Variants in PEAK1 observed in about 807,000 individuals in gnomAD.
The protein encoded by PEAK1 is pseudopodium enriched atypical kinase 1.
In PEAK1, 54 loss-of-function variants were observed where a neutral mutation model predicts 124.7. That is an observed-to-expected ratio of 0.43 (90% CI 0.35 to 0.54). The LOEUF is 0.54. Among genes scored for constraint, PEAK1 ranks in the 20% least tolerant of loss-of-function variants. The probability of loss-of-function intolerance (pLI) is 0.01; values close to 1 mark genes in which losing one functional copy is unlikely to be tolerated. For missense variants in PEAK1, 2,046 were observed against 2,134.5 expected (o/e 0.96, Z 0.82); for synonymous variants, 719 against 760.0 (o/e 0.95, Z 0.89).
In PEAK1 at chr15:77,302,710, A is replaced by G. The variant is rs148014412; in HGVS notation, c.-602-16206T>C. ...TTCAGTGAGATTATTGGATACATTT[A>G]TAATACATTTAGACTCTTTTGCCAC... On this transcript the variant is annotated intron_variant, in intron 2 of 9. Transcript: ENST00000682557. Among the ~76,000 whole-genome samples, 86 of 152,278 alleles carry G rather than the reference A, an allele frequency of 5.6e-4. 2 individuals carry two copies. Among genetic ancestry groups the G allele is most frequent in the African/African-American group, 1.9e-3 (81 of 41,556 alleles).
At chr15:77,308,342 A>G (rs922552806) in intron 2 of PEAK1, among the ~76,000 whole-genome samples, 5 of 152,112 alleles carry the variant, frequency 3.3e-5, no homozygotes, top group Admixed American at 2.0e-4. Flanking sequence ...CTATTAGTCC[A>G]TGCCCATGTA....
At chr15:77,336,377 G>T (rs1333693468) in intron 2 of PEAK1, 1 of 985,260 alleles carries the variant, frequency 1.0e-6, no homozygotes, top group African/African-American at 1.7e-5. Flanking sequence ...ACGTTTACTA[G>T]GAACCAAGGC....
intron 1 of PEAK1, among the ~76,000 whole-genome samples, chr15:77,401,301 T>A (rs1349746360): frequency 1.3e-5 from 2 of 152,172 alleles, no homozygotes; most frequent in African/African-American, 4.8e-5. Flanking sequence ...ATGAGCAACT[T>A]TTCTTCTCCT....
At chr15:77,211,799 G>C (rs2058918800) in intron 6 of PEAK1, among the ~76,000 whole-genome samples, 1 of 126,182 alleles carries the variant, frequency 7.9e-6, no homozygotes, top group African/African-American at 3.1e-5. Flanking sequence ...AGTGAGCCGA[G>C]ATCACGCCAC....
chr15:77,190,624 C>T (rs1382651062), intron 6 of PEAK1, among the ~76,000 whole-genome samples: 1 of 152,146 alleles, frequency 6.6e-6, no homozygotes, highest in Non-Finnish European at 1.5e-5. Context: ...TGAGCTGACA[C>T]CAAGCACACT....
At chr15:77,386,058 A>G (rs1247471951) in intron 1 of PEAK1, among the ~76,000 whole-genome samples, 1 of 152,200 alleles carries the variant, frequency 6.6e-6, no homozygotes, top group African/African-American at 2.4e-5. Context: ...TGGAGCTATT[A>G]TAGGAGGCAC....
chr15:77,420,852 ACACC>A (rs1388091254), upstream of PEAK1: 2 of 398,754 alleles, frequency 5.0e-6, no homozygotes, highest in Non-Finnish European at 8.8e-6. Context: ...AAAGGAAAGG[ACACC>A]AAAATAAAGT....
At chr15:77,219,088 A>C (rs887492253) in intron 6 of PEAK1, among the ~76,000 whole-genome samples, 2 of 152,222 alleles carry the variant, frequency 1.3e-5, no homozygotes, top group Non-Finnish European at 2.9e-5. Flanking sequence ...GAAGGATAAC[A>C]TAATCATATC....
At chr15:77,407,867 G>A (rs572538964) in intron 1 of PEAK1, among the ~76,000 whole-genome samples, 2 of 150,112 alleles carry the variant, frequency 1.3e-5, no homozygotes, top group South Asian at 2.1e-4. Context: ...TCAAATGCCC[G>A]AGTAGATAAA....
chr15:77,412,827 G>A (rs1595884652), intron 1 of PEAK1, among the ~76,000 whole-genome samples: 1 of 152,160 alleles, frequency 6.6e-6, no homozygotes, highest in African/African-American at 2.4e-5. Flanking sequence ...TAGTGTCAGA[G>A]AATAAAGAAG....
At chr15:77,362,704 T>C (rs2067971037) in intron 2 of PEAK1, among the ~76,000 whole-genome samples, 1 of 151,874 alleles carries the variant, frequency 6.6e-6, no homozygotes, top group South Asian at 2.1e-4. Context: ...CAAAAACTTA[T>C]ACACAAATAA....
At chr15:77,377,302 TAAGCCAGAAAGGTG>T (rs1306575490) in intron 1 of PEAK1, among the ~76,000 whole-genome samples, 1 of 152,142 alleles carries the variant, frequency 6.6e-6, no homozygotes, top group Non-Finnish European at 1.5e-5. Context: ...GAGGATTGCT[TAAGCCAGAAAGGTG>T]GAGTCTGCAG....
chr15:77,215,317 C>T (rs770901637), intron 6 of PEAK1, among the ~76,000 whole-genome samples: 3 of 151,848 alleles, frequency 2.0e-5, no homozygotes, highest in Non-Finnish European at 2.9e-5. Context: ...CAAAAATTTA[C>T]TCCCAGTTTG....
rs1566977312 is a variant in PEAK1 at position 77,112,116 on chromosome 15, C to G, written c.*2040G>C. On this transcript the variant is annotated 3_prime_UTR_variant, in exon 10 of 10. Transcript: ENST00000682557. Reference sequence around the variant, plus strand: ...CCATGGCCATTCCTAGGAGCAGAGCCCTGCACTCTGGCTAGAGGAGGCAAG... The same window carrying G: ...CCATGGCCATTCCTAGGAGCAGAGCGCTGCACTCTGGCTAGAGGAGGCAAG... The G allele has an allele frequency of 1.3e-5, 2 of 152,198 alleles. No individual in the cohort carries two copies. Among genetic ancestry groups the G allele is most frequent in the Non-Finnish European group, 2.9e-5 (2 of 68,038 alleles). 9.4% of individuals were successfully genotyped at this position (152,198 alleles called of 1,614,324 possible).
chr15:77,223,878 T>C (rs909994542), intron 6 of PEAK1, among the ~76,000 whole-genome samples: 3 of 145,504 alleles, frequency 2.1e-5, no homozygotes, highest in African/African-American at 7.5e-5. Flanking sequence ...AATAGCCTCA[T>C]TTGAGAGATT....
chr15:77,199,107 A>C (rs2058241324), intron 6 of PEAK1, among the ~76,000 whole-genome samples: 1 of 152,240 alleles, frequency 6.6e-6, no homozygotes, highest in Admixed American at 6.5e-5. Flanking sequence ...CTATAAAGCT[A>C]GTAATCCCCA....
At chr15:77,124,758 G>A (rs1050456228) in intron 9 of PEAK1, among the ~76,000 whole-genome samples, 3 of 152,126 alleles carry the variant, frequency 2.0e-5, no homozygotes, top group African/African-American at 7.2e-5. Flanking sequence ...ACAAAATAAA[G>A]TCTAACCTCT....
downstream of PEAK1, chr15:77,106,741 ATGGGTCCAAG>A (rs2050757851): frequency 6.6e-6 from 1 of 152,136 alleles, no homozygotes; most frequent in African/African-American, 2.4e-5. Flanking sequence ...CTTAATCTAA[ATGGGTCCAAG>A]TGCTGGGGTG....
chr15:77,331,964 A>T (rs1245152064), intron 2 of PEAK1, among the ~76,000 whole-genome samples: 3 of 151,290 alleles, frequency 2.0e-5, no homozygotes, highest in Admixed American at 6.6e-5. Flanking sequence ...AGGCTGGGCG[A>T]GGTGGCTCAC....
Sources: allele counts gnomAD v4.1 joint callset (sites outside exome capture counted in the v4.1 genomes callset), GRCh38; gene constraint gnomAD v4.1.1; transcripts MANE v1.5; gene names NCBI Gene and HGNC (gene_info 2026-07-23, HGNC 2026-07-21).